Variants in RFWD3 observed in about 807,000 individuals in gnomAD.
RFWD3 encodes E3 ubiquitin-protein ligase RFWD3.
Under a neutral mutation model 87.7 loss-of-function variants are expected in RFWD3, and 65 were observed. The ratio of observed to expected loss-of-function variants is 0.74; its 90% confidence interval spans 0.61 to 0.91. The LOEUF (loss-of-function observed/expected upper bound fraction) is 0.91. Among genes scored for constraint, RFWD3 ranks in the 40% least tolerant of loss-of-function variants. RFWD3 has a pLI of 0.00. For synonymous variants in RFWD3, 433 were observed against 352.8 expected, an observed-to-expected ratio of 1.23 and a Z score of -2.55; for missense variants, 1,078 against 938.5, an observed-to-expected ratio of 1.15 and a Z score of -1.94.
chr16:74,666,624 C>G (rs966206238), intron 1 of RFWD3, 162 bp downstream of exon 1: 1 of 152,312 alleles, frequency 6.6e-6, no homozygotes, highest in Non-Finnish European at 1.5e-5. Context: ...ACCACTGGCG[C>G]CGCCCCGAGG....
At position 74,644,715 on chromosome 16, in the gene RFWD3, C is replaced by T; in HGVS notation, c.813G>A (p.Glu271=). 6.2e-7 allele frequency: 1 copy of T among 1,613,958 alleles called. No individual in the cohort carries two copies. The highest frequency in any genetic ancestry group is 8.5e-7 in the Non-Finnish European group (1 of 1,179,890). The part of the protein sequence containing the change: ...LPKQPSPQKS[E]PLLPSASMDE... ...CCATAGAAGCAGAAGGTAGCAGAGG[C>T]TCAGACTTCTGGGGAGATGGCTAGA... Residue 271 remains glutamate (E), a synonymous_variant, in exon 5 of 13, where the codon GAG becomes GAA. Coordinates refer to ENST00000361070, the MANE Select transcript of RFWD3 (RefSeq NM_018124.4).
At chr16:74,632,181 G>T (rs894523843) in intron 9 of RFWD3, among the ~76,000 whole-genome samples, 5 of 151,732 alleles carry the variant, frequency 3.3e-5, no homozygotes, top group Admixed American at 6.6e-5. Flanking sequence ...ATGAGGTCAG[G>T]AGATTGAGCC....
intron 9 of RFWD3, among the ~76,000 whole-genome samples, chr16:74,631,334 T>C (rs1178276795): frequency 6.6e-6 from 1 of 152,104 alleles, no homozygotes; most frequent in Non-Finnish European, 1.5e-5. Context: ...TAGCCAGGTG[T>C]GGTGGCATGC....
chr16:74,649,002 A>T lies in RFWD3; in HGVS notation c.792+130T>A, dbSNP rs945431417. Reference sequence around the variant, plus strand: ...GAGGCTGAAGTGGGAGGATCCTTTGAGCCCAGGAGTTTGAAACTGCAGTGA... The same window carrying T: ...GAGGCTGAAGTGGGAGGATCCTTTGTGCCCAGGAGTTTGAAACTGCAGTGA... On this transcript the variant is annotated intron_variant, in intron 4 of 12. Transcript: ENST00000361070. The T allele has an allele frequency of 1.5e-5, 7 of 474,006 alleles. No individual in the cohort carries two copies. The African/African-American group carries it at 1.5e-4, about 10-fold the overall frequency. 29.4% of individuals were successfully genotyped at this position (474,006 alleles called of 1,614,324 possible). A position where few individuals can be genotyped will look rare whatever the true frequency, so the allele number is the denominator to read the frequency against.
chr16:74,663,429 G>T (rs945173602), intron 1 of RFWD3, among the ~76,000 whole-genome samples: 1 of 152,142 alleles, frequency 6.6e-6, no homozygotes, highest in African/African-American at 2.4e-5. Context: ...GCTACTGGGG[G>T]GAAGAACGGC....
chr16:74,630,743 AGCTGCT>A (rs761191167), intron 10 of RFWD3, 32 bp downstream of exon 10: 4 of 1,534,670 alleles, frequency 2.6e-6, no homozygotes, highest in Middle Eastern at 1.9e-4. Context: ...GCCAAGAGAA[AGCTGCT>A]ACCACCAGGA....
At chr16:74,624,411 T>G (rs538179621) in intron 12 of RFWD3, among the ~76,000 whole-genome samples, 15 of 152,340 alleles carry the variant, frequency 9.8e-5, no homozygotes, top group African/African-American at 3.1e-4. Context: ...TTTTTTTTCT[T>G]TGAGACGGAG....
intron 3 of RFWD3, 78 bp downstream of exon 3, chr16:74,651,842 A>C: frequency 7.7e-7 from 1 of 1,296,712 alleles, no homozygotes; most frequent in Non-Finnish European, 1.1e-6. Context: ...TCAAAGCACA[A>C]ATCTAGTTTC....
chr16:74,652,189 G>C, intron 2 of RFWD3, 67 bp from the exon 3 acceptor site: 1 of 1,414,228 alleles, frequency 7.1e-7, no homozygotes, highest in Non-Finnish European at 9.8e-7. Context: ...AATCTATAGT[G>C]ATTTGAAGTA....
chr16:74,630,793 G>A lies in RFWD3; in HGVS notation c.1742C>T (p.Ala581Val), dbSNP rs745970908. Residue 581 changes from alanine to valine, a missense_variant, in exon 10 of 13, where the codon GCT becomes GTT. Transcript: ENST00000361070. ...AGTGGCTCCCTACCTGGCTTTCTGA[G>A]CTACTAACTCCTGCACATGACTGCT... is the stretch of plus-strand genomic sequence containing the variant. ...NTSSHVQELV[A>V]QKARCPLVSL... is the part of the protein sequence containing the mutation. The A allele has an allele frequency of 6.3e-7, 1 of 1,599,736 alleles. No homozygotes were observed. The highest frequency in any genetic ancestry group is 8.5e-7 in the Non-Finnish European group (1 of 1,174,518).
In RFWD3 at chr16:74,624,068, A is replaced by G; in HGVS notation, c.2185T>C (p.Trp729Arg). The change falls in exon 13 of 13, where the codon TGG (tryptophan) becomes CGG (arginine). Residue 729 changes from tryptophan (W) to arginine (R), a missense_variant. Coordinates refer to ENST00000361070, the MANE Select transcript of RFWD3 (RefSeq NM_018124.4). The part of the protein sequence containing the change: ...GDEAANSALL[W>R]DAASGSLLQD... Reference sequence around the variant, plus strand: ...AGCAACGAGCCACTGGCAGCATCCCACAGCTAAAGAACACAAGCAGAGGGA... The same window carrying G: ...AGCAACGAGCCACTGGCAGCATCCCGCAGCTAAAGAACACAAGCAGAGGGA... 6.2e-7 allele frequency: 1 copy of G among 1,613,866 alleles called. No individual in the cohort carries two copies. Among genetic ancestry groups the G allele is most frequent in the African/African-American group, 1.3e-5 (1 of 75,046 alleles).
intron 7 of RFWD3, 105 bp downstream of exon 7, chr16:74,637,751 A>T (rs927846661): frequency 7.5e-6 from 6 of 801,490 alleles, no homozygotes; most frequent in Non-Finnish European, 1.2e-5. Flanking sequence ...CATTTCCTAA[A>T]CAACTTGGCA....
At chr16:74,645,950 G>C (rs776394816) in intron 4 of RFWD3, among the ~76,000 whole-genome samples, 1 of 151,248 alleles carries the variant, frequency 6.6e-6, no homozygotes, top group African/African-American at 2.4e-5. Context: ...GGGTTTCACC[G>C]TGTTAGTTAG....
At chr16:74,624,663 C>T (rs547009689) in intron 12 of RFWD3, among the ~76,000 whole-genome samples, 2 of 152,310 alleles carry the variant, frequency 1.3e-5, no homozygotes, top group East Asian at 3.9e-4. Flanking sequence ...TCCCAAAGTG[C>T]TGGGATTACA....
chr16:74,656,880 C>A (rs950813418), intron 2 of RFWD3, among the ~76,000 whole-genome samples: 4 of 152,162 alleles, frequency 2.6e-5, no homozygotes, highest in African/African-American at 9.7e-5. Flanking sequence ...TTGCCGGGCT[C>A]AAGACTTCAG....
chr16:74,632,998 C>G (rs1269798228), intron 8 of RFWD3, among the ~76,000 whole-genome samples: 2 of 151,956 alleles, frequency 1.3e-5, no homozygotes, highest in Non-Finnish European at 2.9e-5. Context: ...CAACCCAGGC[C>G]AGGCATGGTG....
At chr16:74,650,551 A>C (rs1411010035) in intron 3 of RFWD3, among the ~76,000 whole-genome samples, 1 of 152,162 alleles carries the variant, frequency 6.6e-6, no homozygotes, top group Non-Finnish European at 1.5e-5. Context: ...GAATCCCATC[A>C]ACCCTGCAAC....
rs1242890672 is a variant in RFWD3 at position 74,626,401 on chromosome 16, G to T, written c.2123C>A (p.Pro708Gln). The change falls in exon 12 of 13, where the codon CCA becomes CAA. Residue 708 changes from proline to glutamine, a missense_variant. Pro to Gln is a moderately conservative substitution (Grantham distance 76, BLOSUM62 -1). Transcript: ENST00000361070. The stretch of plus-strand genomic sequence containing the variant: ...CACCAGGATGTTGCCATCATTCTCT[G>T]GGCTTTGGAAAATGGCATTTTTGGT... ...LLTKNAIFQS[P>Q]ENDGNILVCT... The T allele has an allele frequency of 6.2e-7, 1 of 1,614,154 alleles. No homozygotes were observed. Among genetic ancestry groups the T allele is most frequent in the East Asian group, 2.2e-5 (1 of 44,886 alleles).
intron 1 of RFWD3, chr16:74,666,297 G>A (rs1961918665): frequency 6.6e-6 from 1 of 152,118 alleles, no homozygotes; most frequent in Admixed American, 6.6e-5. Context: ...TCCTAAACTC[G>A]GCTCAACTTG....
Sources: gnomAD v4.1 joint callset for allele counts (sites outside exome capture counted in the v4.1 genomes callset) on GRCh38, gnomAD v4.1.1 for gene constraint, MANE v1.5 for transcripts, NCBI Gene and HGNC (gene_info 2026-07-23, HGNC 2026-07-21) for gene names.